TUT7: variants seen among roughly 807,000 people sequenced by gnomAD.
TUT7 encodes the protein terminal uridylyl transferase 7.
A neutral mutation model predicts 165.9 loss-of-function variants in TUT7; 33 were observed. That is an observed-to-expected ratio of 0.20 (90% CI 0.15 to 0.27). TUT7 has a LOEUF of 0.27. Among genes scored for constraint, TUT7 ranks in the 10% least tolerant of loss-of-function variants. The pLI, the probability that TUT7 is intolerant of heterozygous loss-of-function variation, is 1.00. For missense variants in TUT7, 1,338 were observed against 1,762.3 expected (o/e 0.76, Z 4.31); for synonymous variants, 552 against 608.1 (o/e 0.91, Z 1.36).
chr9:86,339,410 C>T (rs1831129460), intron 8 of TUT7, among the ~76,000 whole-genome samples: 2 of 152,004 alleles, frequency 1.3e-5, no homozygotes, highest in South Asian at 2.1e-4. Context: ...CCCAACTACT[C>T]GGAAGTCTGA....
chr9:86,301,417 G>C lies in TUT7; in HGVS notation c.4279C>G (p.Leu1427Val), dbSNP rs371713723. The C allele has an allele frequency of 1.2e-6, 2 of 1,614,114 alleles. No individual in the cohort carries two copies. The highest frequency in any genetic ancestry group is 1.6e-4 in the Middle Eastern group (1 of 6,062). ...GGCCTGAGGATCTTCTCCCTCCCCA[G>C]GTCAGCAGCTGCCCGCATTGGCTTG... is the stretch of plus-strand genomic sequence containing the variant. ...KAKPMRAAAD[L>V]GREKILRPPV... is the part of the protein sequence containing the mutation. Residue 1427 changes from leucine (L) to valine (V), a missense_variant, in exon 26 of 27, where the codon CTG becomes GTG. Coordinates refer to ENST00000375963, the MANE Select transcript of TUT7 (RefSeq NM_024617.4).
At chr9:86,313,016 T>C (rs1440144615) in intron 17 of TUT7, among the ~76,000 whole-genome samples, 3 of 152,040 alleles carry the variant, frequency 2.0e-5, no homozygotes, top group Non-Finnish European at 2.9e-5. Flanking sequence ...CAGAGACCTT[T>C]GTTCACTTGT....
rs1286716609 is a variant in TUT7, at chr9:86,310,754, G to A, written c.3330C>T (p.Phe1110=). ...CTACTTCCAGACCACTTCTCAAATGGAAGAACTTCACAATTGGCACCTTTG... is the reference window on the plus strand; with the variant it reads ...CTACTTCCAGACCACTTCTCAAATGAAAGAACTTCACAATTGGCACCTTTG... ...TTAKVPIVKF[F]HLRSGLEVDI... The change falls in exon 18 of 27, where the codon TTC becomes TTT. Residue 1110 remains phenylalanine (F), a synonymous_variant. Coordinates refer to ENST00000375963, the MANE Select transcript of TUT7 (RefSeq NM_024617.4). 6.2e-7 allele frequency: 1 copy of A among 1,613,416 alleles called. No homozygotes were observed. The highest frequency in any genetic ancestry group is 2.2e-5 in the East Asian group (1 of 44,840).
intron 10 of TUT7, among the ~76,000 whole-genome samples, chr9:86,336,329 C>G (rs1160028641): frequency 6.6e-6 from 1 of 152,146 alleles, no homozygotes; most frequent in Non-Finnish European, 1.5e-5. Flanking sequence ...GCTCTTTTTT[C>G]TACCAGGACA....
Position 86,304,868 on chromosome 9 carries a change from G to A in TUT7, c.3966C>T (p.Tyr1322=). ...CCAACACACTTACCATTTTTGAGGGGTAGTCCTTTGGAAATCCCTTGACAG... is the reference window on the plus strand; with the variant it reads ...CCAACACACTTACCATTTTTGAGGGATAGTCCTTTGGAAATCCCTTGACAG... The part of the protein sequence containing the change: ...GIPVKGFPKD[Y]PSKMEYFFDP... Residue 1322 remains tyrosine (Y), a synonymous_variant, in exon 24 of 27, where the codon TAC becomes TAT. Coordinates refer to ENST00000375963, the MANE Select transcript of TUT7 (RefSeq NM_024617.4). 1 of 1,605,536 alleles carries A rather than the reference G, an allele frequency of 6.2e-7. No homozygotes were observed. Among genetic ancestry groups the A allele is most frequent in the Non-Finnish European group, 8.5e-7 (1 of 1,175,732 alleles).
chr9:86,320,800 G>A lies in TUT7; in HGVS notation c.3029-1130C>T, dbSNP rs773563481. Among the ~76,000 whole-genome samples, 177 of 152,062 alleles carry A rather than the reference G, an allele frequency of 1.2e-3. 1 individual carries two copies. The highest frequency in any genetic ancestry group is 2.0e-3 in the Non-Finnish European group (137 of 67,980). ...TTTTACCCTCTCTTCCAACGATTTT[G>A]GGAAAATTATGAACTGAGACTCTTC... On this transcript the variant is annotated intron_variant, in intron 14 of 26. Coordinates refer to ENST00000375963, the MANE Select transcript of TUT7 (RefSeq NM_024617.4).
chr9:86,322,367 T>G lies in TUT7; in HGVS notation c.2986A>C (p.Lys996Gln). The change falls in exon 14 of 27, where the codon AAG becomes CAG. Residue 996 changes from lysine (K) to glutamine (Q), a missense_variant. Coordinates refer to ENST00000375963, the MANE Select transcript of TUT7 (RefSeq NM_024617.4). ...ACTTGATCTAAGATATTTAAAAACT[T>G]GGGTGTTAATGGTGGCAGAGGTTCT... ...QLEPLPPLTP[K>Q]FLNILDQVCI... The G allele has an allele frequency of 6.2e-7, 1 of 1,614,072 alleles. No homozygotes were observed. The highest frequency in any genetic ancestry group is 8.5e-7 in the Non-Finnish European group (1 of 1,179,952).
chr9:86,315,225 C>T (rs1828590265), intron 17 of TUT7, among the ~76,000 whole-genome samples: 1 of 152,224 alleles, frequency 6.6e-6, no homozygotes. Flanking sequence ...GTTTTAAACA[C>T]AGCCCTCTAG....
Position 86,323,916 on chromosome 9 carries a change from G to T in TUT7, c.1834C>A (p.Gln612Lys). ...KRNVARTLNS[Q>K]PVFEYILHCL... ...TGAAGTATATATTCAAACACAGGTT[G>T]ACTATTTAGGGTTCTTGCCACATTT... Residue 612 changes from glutamine (Q) to lysine (K), a missense_variant, in exon 13 of 27, where the codon CAA (glutamine) becomes AAA (lysine). Physicochemically the swap from Gln to Lys is moderately conservative, Grantham distance 53. Coordinates refer to ENST00000375963, the MANE Select transcript of TUT7 (RefSeq NM_024617.4). 6.2e-7 allele frequency: 1 copy of T among 1,609,052 alleles called. No homozygotes were observed. The highest frequency in any genetic ancestry group is 1.1e-5 in the South Asian group (1 of 90,336).
chr9:86,293,886 T>C (rs11795271), intron 26 of TUT7, among the ~76,000 whole-genome samples: 56,614 of 151,886 alleles, frequency 0.37, 11,517 homozygotes, highest in Middle Eastern at 0.59. Flanking sequence ...GCTGGGATTA[T>C]AGGCGCACAC....
At chr9:86,342,229 A>G (rs1831386694) in intron 6 of TUT7, among the ~76,000 whole-genome samples, 2 of 152,086 alleles carry the variant, frequency 1.3e-5, no homozygotes, top group Admixed American at 1.3e-4. Flanking sequence ...GGGCTCAAGT[A>G]ACCCTCCAAC....
intron 9 of TUT7, among the ~76,000 whole-genome samples, chr9:86,337,976 G>A (rs773089970): frequency 5.3e-5 from 8 of 152,122 alleles, no homozygotes; most frequent in Non-Finnish European, 8.8e-5. Flanking sequence ...GGGAGAGAAC[G>A]TGGACAAACT....
chr9:86,299,385 T>C (rs1022064400), intron 26 of TUT7, among the ~76,000 whole-genome samples: 2 of 152,270 alleles, frequency 1.3e-5, no homozygotes, highest in African/African-American at 4.8e-5. Flanking sequence ...CCACTCAGTA[T>C]ATTGTGTGGA....
At position 86,328,426 on chromosome 9, in the gene TUT7, T is replaced by C; in HGVS notation, c.1522A>G (p.Ile508Val). The change falls in exon 11 of 27, where the codon ATC (isoleucine) becomes GTC (valine). Residue 508 changes from isoleucine to valine, a missense_variant. Coordinates refer to ENST00000375963, the MANE Select transcript of TUT7 (RefSeq NM_024617.4). Reference protein sequence around the residue: ...NLQDIEKDVVIWEHTDSAAGD... With the variant: ...NLQDIEKDVVVWEHTDSAAGD... ...GCAGCACTGTCAGTATGTTCCCAGATCACAACATCTTTTTCAATGTCTTGA... is the reference window on the plus strand; with the variant it reads ...GCAGCACTGTCAGTATGTTCCCAGACCACAACATCTTTTTCAATGTCTTGA... 6.2e-7 allele frequency: 1 copy of C among 1,612,958 alleles called. No individual in the cohort carries two copies. The highest frequency in any genetic ancestry group is 1.3e-5 in the African/African-American group (1 of 74,948).
chr9:86,346,439 T>C lies in TUT7; in HGVS notation c.562A>G (p.Thr188Ala). ...QRSRPRKPRK[T>A]RNEENEQDGD... is the part of the protein sequence containing the mutation. The stretch of plus-strand genomic sequence containing the variant: ...TCCTGCTCATTTTCCTCATTTCTAG[T>C]CTTCCGTGGCTTCCTAGGTCTGGAC... Residue 188 changes from threonine to alanine, a missense_variant, in exon 3 of 27, where the codon ACT (threonine) becomes GCT (alanine). Around this residue, in one of 7 missense-constraint regions of TUT7, gnomAD observed 434 missense variants for 480.8 expected, o/e 0.90. Coordinates refer to ENST00000375963, the MANE Select transcript of TUT7 (RefSeq NM_024617.4). The C allele has an allele frequency of 6.2e-7, 1 of 1,614,086 alleles. No homozygotes were observed. Among genetic ancestry groups the C allele is most frequent in the Non-Finnish European group, 8.5e-7 (1 of 1,179,952 alleles).
intron 12 of TUT7, 113 bp downstream of exon 12, chr9:86,325,221 C>T (rs1016865319): frequency 6.4e-6 from 6 of 943,972 alleles, no homozygotes; most frequent in Middle Eastern, 2.2e-4. Context: ...CCTTTGAGGG[C>T]AGGCCTACCT....
At chr9:86,321,134 CT>C (rs1272869087) in intron 14 of TUT7, among the ~76,000 whole-genome samples, 14 of 151,568 alleles carry the variant, frequency 9.2e-5, no homozygotes, top group African/African-American at 3.2e-4. Context: ...GAGCGGATCA[CT>C]GGAGGTCAGG....
At chr9:86,301,809 T>C in intron 25 of TUT7, 4 of 985,442 alleles carry the variant, frequency 4.1e-6, no homozygotes, top group Non-Finnish European at 4.8e-6. Context: ...TTCTTCTTCA[T>C]TTTCAAAGTT....
Position 86,311,619 on chromosome 9 carries a change from T to TGATG in TUT7, c.3275-811_3275-810insCATC, listed in dbSNP as rs1231287810. 1.4e-5 allele frequency among the ~76,000 whole-genome samples: 2 copies of TGATG among 147,086 alleles called. No homozygotes were observed. Among genetic ancestry groups the TGATG allele is most frequent in the African/African-American group, 2.5e-5 (1 of 39,744 alleles). The stretch of plus-strand genomic sequence containing the variant: ...CTCCCCTCTCCCCACGGTCTCCCTC[T>TGATG]CCCTCTCTTTCCACGGTCTCCCTCT... On this transcript the variant is annotated intron_variant, in intron 17 of 26. Coordinates refer to ENST00000375963, the MANE Select transcript of TUT7 (RefSeq NM_024617.4). The surrounding 1 kb of genome is among the most constrained non-coding windows in gnomAD (Gnocchi z 4.4).
Sources: gnomAD v4.1 joint callset for allele counts (sites outside exome capture counted in the v4.1 genomes callset) on GRCh38, gnomAD v4.1.1 for gene constraint, gnomAD v4.1.1 regional missense constraint, Gnocchi (gnomAD v3.1) non-coding constraint, MANE v1.5 for transcripts, NCBI Gene and HGNC (gene_info 2026-07-23, HGNC 2026-07-21) for gene names.